The following CCDC171 variants were observed in gnomAD, a reference collection of about 807,000 sequenced individuals.
CCDC171 encodes the protein coiled-coil domain-containing protein 171.
In CCDC171, 177 loss-of-function variants were observed where a neutral mutation model predicts 168.2. The observed-to-expected ratio is 1.05, with a 90% CI of 0.93 to 1.19. The LOEUF is 1.19. Among genes scored for constraint, CCDC171 ranks in the 50% most tolerant of loss-of-function variants. The pLI, the probability that CCDC171 is intolerant of heterozygous loss-of-function variation, is 0.00. For synonymous variants in CCDC171, 687 were observed against 540.8 expected (o/e 1.27, Z -3.75); for missense variants, 1,991 against 1,539.0 (o/e 1.29, Z -4.91).
chr9:15,725,439 C>T (rs935592680), intron 14 of CCDC171, among the ~76,000 whole-genome samples: 4 of 151,952 alleles, frequency 2.6e-5, no homozygotes, highest in Admixed American at 6.6e-5. Context: ...TCCACATCTT[C>T]GTTTCCTTAT....
Position 15,867,030 on chromosome 9 carries a change from C to G in CCDC171, c.3469-7502C>G, listed in dbSNP as rs201116600. Among the ~76,000 whole-genome samples, 5 of 152,136 alleles carry G rather than the reference C, an allele frequency of 3.3e-5. No individual in the cohort carries two copies. The East Asian group carries it at 7.8e-4, about 24-fold the overall frequency. ...TACTAAAAATAGCATCTGTATTTCA[C>G]TTTGCCTAATCAAGACCTAGAGGAG... On this transcript the variant is annotated intron_variant, in intron 23 of 25. Coordinates refer to ENST00000380701, the MANE Select transcript of CCDC171 (RefSeq NM_173550.4).
intron 24 of CCDC171, among the ~76,000 whole-genome samples, chr9:15,911,638 TG>T (rs1823655263): frequency 6.6e-6 from 1 of 152,232 alleles, no homozygotes; most frequent in African/African-American, 2.4e-5. Context: ...ATGTCCTGAA[TG>T]GTATTGCCTA....
chr9:15,588,568 A>C (rs952443016), intron 4 of CCDC171: 2 of 334,446 alleles, frequency 6.0e-6, no homozygotes, highest in Non-Finnish European at 6.0e-6. Context: ...TGGAGATGCC[A>C]AAACAGACCA....
chr9:15,832,263 G>A (rs574184774), intron 21 of CCDC171, among the ~76,000 whole-genome samples: 115 of 152,298 alleles, frequency 7.6e-4, no homozygotes, highest in Admixed American at 3.1e-3. Context: ...ACCTTATCCA[G>A]CTGTGGTTGG....
chr9:15,822,103 A>C (rs551834833), intron 21 of CCDC171, among the ~76,000 whole-genome samples: 7 of 152,330 alleles, frequency 4.6e-5, no homozygotes, highest in Non-Finnish European at 8.8e-5. Context: ...TATTTAATAA[A>C]TGGTGCTGGG....
chr9:15,930,403 TA>T (rs1042533236), intron 25 of CCDC171, among the ~76,000 whole-genome samples: 147 of 146,482 alleles, frequency 1.0e-3, no homozygotes, highest in Middle Eastern at 3.5e-3. Flanking sequence ...CTACTTTTCC[TA>T]AAAAAAAAAG....
At chr9:16,006,701 G>A (rs1213617535) in intron 3 of CCDC171, among the ~76,000 whole-genome samples, 3 of 151,812 alleles carry the variant, frequency 2.0e-5, no homozygotes, top group East Asian at 1.9e-4. Flanking sequence ...TTGTCCTTGC[G>A]ACAGTTTGCT....
At chr9:15,698,218 CAT>C (rs1043663789) in intron 11 of CCDC171, among the ~76,000 whole-genome samples, 1 of 152,112 alleles carries the variant, frequency 6.6e-6, no homozygotes, top group Non-Finnish European at 1.5e-5. Flanking sequence ...TTTTAGCTCT[CAT>C]GTGTGAGTAA....
At chr9:15,600,583 C>T (rs200564456) in intron 6 of CCDC171, among the ~76,000 whole-genome samples, 110 of 152,058 alleles carry the variant, frequency 7.2e-4, no homozygotes, top group African/African-American at 2.2e-3. Context: ...CTCGGGGGTC[C>T]GGGACCCACT....
chr9:16,022,178 A>C (rs1429430472), intron 4 of CCDC171, among the ~76,000 whole-genome samples: 2 of 152,352 alleles, frequency 1.3e-5, no homozygotes, highest in East Asian at 3.9e-4. Context: ...ATGGAACCCC[A>C]TATCCTAACC....
chr9:15,637,861 G>C (rs1587645264), intron 7 of CCDC171, among the ~76,000 whole-genome samples: 1 of 151,982 alleles, frequency 6.6e-6, no homozygotes, highest in South Asian at 2.1e-4. Context: ...TCTTAATCCA[G>C]TCTATCCTTG....
At chr9:15,776,640 G>A (rs10962153) in intron 18 of CCDC171, among the ~76,000 whole-genome samples, 68,009 of 152,018 alleles carry the variant, frequency 0.45, 15,518 homozygotes, top group Non-Finnish European at 0.49. Context: ...TTTTATAACA[G>A]TGTCTCCATG....
intron 7 of CCDC171, among the ~76,000 whole-genome samples, chr9:15,629,361 C>T (rs1420730485): frequency 3.3e-5 from 5 of 152,184 alleles, no homozygotes; most frequent in South Asian, 2.1e-4. Flanking sequence ...AGCCAAGGCT[C>T]GAGAACTACG....
At chr9:15,767,689 G>A (rs115784984) in intron 18 of CCDC171, among the ~76,000 whole-genome samples, 2,173 of 151,798 alleles carry the variant, frequency 0.014, 53 homozygotes, top group African/African-American at 0.049. Flanking sequence ...ATTTGACATT[G>A]CTGATCACTT....
intron 6 of CCDC171, among the ~76,000 whole-genome samples, chr9:16,028,563 C>T (rs1833315686): frequency 6.6e-6 from 1 of 152,188 alleles, no homozygotes; most frequent in South Asian, 2.1e-4. Flanking sequence ...TGTCATCCTG[C>T]ACTTTTGTTA....
intron 21 of CCDC171, among the ~76,000 whole-genome samples, chr9:15,802,470 C>T (rs1330690551): frequency 6.6e-6 from 1 of 151,954 alleles, no homozygotes; most frequent in Non-Finnish European, 1.5e-5. Context: ...TCCATGTGTT[C>T]TCATTTAGCT....
intron 25 of CCDC171, among the ~76,000 whole-genome samples, chr9:15,949,790 C>G (rs1828896678): frequency 6.6e-6 from 1 of 152,004 alleles, no homozygotes; most frequent in Non-Finnish European, 1.5e-5. Context: ...AATTGAATAC[C>G]CTTTATTTCC....
chr9:15,934,600 C>G (rs1466325021), intron 25 of CCDC171, among the ~76,000 whole-genome samples: 2 of 151,810 alleles, frequency 1.3e-5, no homozygotes, highest in East Asian at 3.9e-4. Context: ...AATGATTCCT[C>G]AATAAGTTAA....
intron 7 of CCDC171, among the ~76,000 whole-genome samples, chr9:15,645,343 A>G (rs2046956037): frequency 8.4e-6 from 1 of 118,982 alleles, no homozygotes; most frequent in South Asian, 2.6e-4. Flanking sequence ...CTACCTCTCC[A>G]AAGGAACTCA....
Sources: allele counts gnomAD v4.1 joint callset (sites outside exome capture counted in the v4.1 genomes callset), GRCh38; gene constraint gnomAD v4.1.1; transcripts MANE v1.5; gene names NCBI Gene and HGNC (gene_info 2026-07-23, HGNC 2026-07-21).